The following CTNND2 variants were observed in gnomAD, a reference collection of about 807,000 sequenced individuals.
CTNND2 encodes the protein catenin delta-2.
CTNND2 carries 22 observed loss-of-function variants against 144.4 expected under a neutral mutation model. That is an observed-to-expected ratio of 0.15 (90% confidence interval 0.11 to 0.22). The LOEUF (loss-of-function observed/expected upper bound fraction) is 0.22. Ranked by LOEUF, CTNND2 falls within the 10% of genes least tolerant of loss-of-function variation. CTNND2 has a pLI of 1.00. For synonymous variants in CTNND2, 751 were observed against 695.6 expected (o/e 1.08, Z -1.25); for missense variants, 1,353 against 1,618.8 (o/e 0.84, Z 2.82).
chr5:11,314,226 CCTGA>C (rs1031231442), intron 9 of CTNND2, among the ~76,000 whole-genome samples: 1 of 152,164 alleles, frequency 6.6e-6, no homozygotes, highest in Non-Finnish European at 1.5e-5. Context: ...CTATGAATTT[CCTGA>C]CTTTCTGATT....
chr5:11,175,421 T>C (rs1447356695), intron 11 of CTNND2, among the ~76,000 whole-genome samples: 3 of 152,314 alleles, frequency 2.0e-5, no homozygotes, highest in East Asian at 1.9e-4. Context: ...TCTATTCTTA[T>C]CATATACTCA....
At chr5:11,313,555 T>TTGGGA (rs1343711013) in intron 9 of CTNND2, among the ~76,000 whole-genome samples, 2 of 152,152 alleles carry the variant, frequency 1.3e-5, no homozygotes, top group African/African-American at 4.8e-5. Flanking sequence ...TTGGTGTTGG[T>TTGGGA]GACCTGGCAG....
chr5:11,421,070 C>A (rs543476682), intron 3 of CTNND2, among the ~76,000 whole-genome samples: 1 of 152,082 alleles, frequency 6.6e-6, no homozygotes, highest in Non-Finnish European at 1.5e-5. Flanking sequence ...CTAAGACTAG[C>A]GGGAACCAAT....
chr5:11,494,416 G>A (rs249266), intron 3 of CTNND2, among the ~76,000 whole-genome samples: 91,209 of 151,950 alleles, frequency 0.6, 28,528 homozygotes, highest in African/African-American at 0.77. Flanking sequence ...TTTCTCATCT[G>A]TAAATACCTA....
At chr5:11,688,705 C>G (rs1014895043) in intron 2 of CTNND2, among the ~76,000 whole-genome samples, 1 of 152,028 alleles carries the variant, frequency 6.6e-6, no homozygotes, top group Non-Finnish European at 1.5e-5. Flanking sequence ...ATTCAGAAAC[C>G]CACCACCCAG....
At chr5:11,512,738 G>A (rs761470756) in intron 3 of CTNND2, among the ~76,000 whole-genome samples, 1 of 152,206 alleles carries the variant, frequency 6.6e-6, no homozygotes, top group Non-Finnish European at 1.5e-5. Context: ...CCAGGGGAAT[G>A]AGGGAAGACC....
At chr5:11,672,234 G>A (rs1043293119) in intron 2 of CTNND2, among the ~76,000 whole-genome samples, 3 of 152,190 alleles carry the variant, frequency 2.0e-5, no homozygotes, top group Admixed American at 6.5e-5. Flanking sequence ...ACTGGGAGGT[G>A]TCTCCCAGTC....
At chr5:11,366,745 AT>A (rs1480445269) in intron 7 of CTNND2, among the ~76,000 whole-genome samples, 3 of 152,164 alleles carry the variant, frequency 2.0e-5, no homozygotes, top group African/African-American at 7.2e-5. Flanking sequence ...TCACTGGTAC[AT>A]TTAGAATTGT....
chr5:11,738,861 C>T (rs1203179132), intron 1 of CTNND2, among the ~76,000 whole-genome samples: 3 of 152,090 alleles, frequency 2.0e-5, no homozygotes, highest in Non-Finnish European at 4.4e-5. Context: ...AAGCCATGAC[C>T]TCTTATCCTT....
intron 1 of CTNND2, among the ~76,000 whole-genome samples, chr5:11,849,831 G>A (rs1794930956): frequency 6.6e-6 from 1 of 152,162 alleles, no homozygotes; most frequent in African/African-American, 2.4e-5. Flanking sequence ...TCTGACCACA[G>A]TGGCACATTC....
At chr5:11,334,772 C>T (rs1446303752) in intron 9 of CTNND2, among the ~76,000 whole-genome samples, 1 of 152,196 alleles carries the variant, frequency 6.6e-6, no homozygotes, top group African/African-American at 2.4e-5. Context: ...AGTTAACAAA[C>T]ACATTCCAAA....
At chr5:11,503,447 G>C (rs1770724669) in intron 3 of CTNND2, among the ~76,000 whole-genome samples, 2 of 152,226 alleles carry the variant, frequency 1.3e-5, no homozygotes, top group South Asian at 4.1e-4. Flanking sequence ...CGTTGACCAA[G>C]GTTTTCTTAT....
At chr5:11,421,528 A>G (rs1349930244) in intron 3 of CTNND2, among the ~76,000 whole-genome samples, 1 of 152,190 alleles carries the variant, frequency 6.6e-6, no homozygotes, top group Non-Finnish European at 1.5e-5. Flanking sequence ...TGGCTTATTG[A>G]CTATGGCTTA....
intron 20 of CTNND2, among the ~76,000 whole-genome samples, chr5:10,984,562 A>T (rs1737699286): frequency 6.6e-6 from 1 of 152,190 alleles, no homozygotes; most frequent in Non-Finnish European, 1.5e-5. Flanking sequence ...CTAGGATGTT[A>T]ATACTGGAAG....
chr5:11,867,931 C>T (rs926590636), intron 1 of CTNND2, among the ~76,000 whole-genome samples: 7 of 151,166 alleles, frequency 4.6e-5, no homozygotes, highest in Middle Eastern at 3.4e-3. Context: ...ATCTAAGGCA[C>T]ATCAGATTGT....
intron 12 of CTNND2, among the ~76,000 whole-genome samples, chr5:11,153,224 T>A (rs1353825645): frequency 1.3e-5 from 2 of 152,062 alleles, no homozygotes; most frequent in African/African-American, 4.8e-5. Flanking sequence ...ATCATGCCAC[T>A]GCACTCTAGC....
At chr5:11,310,172 G>T (rs1483067849) in intron 9 of CTNND2, among the ~76,000 whole-genome samples, 1 of 152,064 alleles carries the variant, frequency 6.6e-6, no homozygotes, top group African/African-American at 2.4e-5. Context: ...GCTAGGTCCT[G>T]GGCTAGGCAG....
At chr5:11,236,920 A>G (rs1580670262) in intron 9 of CTNND2, 97 bp from the exon 10 acceptor site, 2 of 1,302,028 alleles carry the variant, frequency 1.5e-6, no homozygotes, top group East Asian at 4.6e-5. Flanking sequence ...CCTGACTCTA[A>G]AAGAAAATAT....
chr5:11,728,254 T>C (rs1325125018), intron 2 of CTNND2, among the ~76,000 whole-genome samples: 2 of 151,548 alleles, frequency 1.3e-5, no homozygotes, highest in African/African-American at 4.9e-5. Flanking sequence ...TGGTGGGTCA[T>C]GAGGTCAGGA....
Sources: gnomAD v4.1 joint callset for allele counts (sites outside exome capture counted in the v4.1 genomes callset) on GRCh38, gnomAD v4.1.1 for gene constraint, MANE v1.5 for transcripts, NCBI Gene and HGNC (gene_info 2026-07-23, HGNC 2026-07-21) for gene names.